Variants in CXCR5 observed in about 807,000 individuals in gnomAD.
CXCR5 encodes C-X-C chemokine receptor type 5.
Under a neutral mutation model 5.6 loss-of-function variants are expected in CXCR5, and 3 were observed. The observed-to-expected ratio is 0.54, with a 90% CI of 0.24 to 1.39. The LOEUF is 1.39. Ranked by LOEUF, CXCR5 falls within the 40% of genes most tolerant of loss-of-function variation. CXCR5 has a pLI of 0.16. For synonymous variants in CXCR5, 218 were observed against 219.9 expected, an observed-to-expected ratio of 0.99 and a Z score of 0.08; for missense variants, 333 against 494.6, an observed-to-expected ratio of 0.67 and a Z score of 3.10.
intron 1 of CXCR5, among the ~76,000 whole-genome samples, chr11:118,889,447 C>G (rs1230334149): frequency 2.0e-5 from 3 of 152,226 alleles, no homozygotes; most frequent in Non-Finnish European, 2.9e-5. Context: ...GCCCTGTGCT[C>G]CCTCTGGGCA....
At position 118,893,154 on chromosome 11, in the gene CXCR5, C is replaced by A. The variant is rs1011130374; in HGVS notation, c.52-442C>A. Reference sequence around the variant, plus strand: ...CCCACAGGCCAAGTCAGCACCCGCCCGCCCCTAGTCCCCAGCACAATGCTA... The same window carrying A: ...CCCACAGGCCAAGTCAGCACCCGCCAGCCCCTAGTCCCCAGCACAATGCTA... On this transcript the variant is annotated intron_variant, in intron 1 of 1. Coordinates refer to ENST00000292174, the MANE Select transcript of CXCR5 (RefSeq NM_001716.5). This position sits in a 1 kb window ranked among gnomAD's most constrained non-coding sequence, Gnocchi z 5.7. Among the ~76,000 whole-genome samples, 1 of 152,170 alleles carries A rather than the reference C, an allele frequency of 6.6e-6. No homozygotes were observed. Among genetic ancestry groups the A allele is most frequent in the Non-Finnish European group, 1.5e-5 (1 of 68,034 alleles).
At chr11:118,887,344 C>T (rs1414267638) in intron 1 of CXCR5, 6 of 985,300 alleles carry the variant, frequency 6.1e-6, no homozygotes, top group Middle Eastern at 5.2e-4. Flanking sequence ...GAGGCTGCCA[C>T]ACACACCTGG....
At position 118,894,129 on chromosome 11, in the gene CXCR5, C is replaced by G. The variant is rs747672304; in HGVS notation, c.585C>G (p.His195Gln). 6.2e-7 allele frequency: 1 copy of G among 1,614,124 alleles called. No homozygotes were observed. Among genetic ancestry groups the G allele is most frequent in the Non-Finnish European group, 8.5e-7 (1 of 1,180,040 alleles). The change falls in exon 2 of 2, where the codon CAC becomes CAG. Residue 195 changes from histidine (H) to glutamine (Q), a missense_variant. Coordinates refer to ENST00000292174, the MANE Select transcript of CXCR5 (RefSeq NM_001716.5). This position sits in a 1 kb window ranked among gnomAD's most constrained non-coding sequence, Gnocchi z 6.1. ...TCGCCAAAGTCAGCCAAGGCCATCA[C>G]AACAACTCCCTGCCACGTTGCACCT... ...ILFAKVSQGH[H>Q]NNSLPRCTFS...
intron 1 of CXCR5, among the ~76,000 whole-genome samples, chr11:118,887,997 TG>T (rs1045350411): frequency 6.6e-6 from 1 of 152,176 alleles, no homozygotes; most frequent in Non-Finnish European, 1.5e-5. Flanking sequence ...AAGGTCAGGC[TG>T]GGGCATTCAC....
chr11:118,889,250 C>T (rs1340371733), intron 1 of CXCR5, among the ~76,000 whole-genome samples: 1 of 152,236 alleles, frequency 6.6e-6, no homozygotes, highest in Non-Finnish European at 1.5e-5. Flanking sequence ...GGGCATGTGA[C>T]CCTGGCCCAT....
Position 118,893,697 on chromosome 11 carries a change from C to A in CXCR5, c.153C>A (p.Ala51=). 1 of 1,614,184 alleles carries A rather than the reference C, an allele frequency of 6.2e-7. No individual in the cohort carries two copies. The highest frequency in any genetic ancestry group is 1.3e-5 in the African/African-American group (1 of 75,048). ...GGCCCCTCATGGCCTCCTTCAAGGC[C>A]GTGTTCGTGCCCGTGGCCTACAGCC... The part of the protein sequence containing the change: ...TEGPLMASFK[A]VFVPVAYSLI... The change falls in exon 2 of 2, where the codon GCC becomes GCA. Residue 51 remains alanine, a synonymous_variant. Transcript: ENST00000292174. The surrounding 1 kb of genome is among the most constrained non-coding windows in gnomAD (Gnocchi z 5.7).
chr11:118,888,669 G>A (rs1939758815), intron 1 of CXCR5, among the ~76,000 whole-genome samples: 1 of 152,186 alleles, frequency 6.6e-6, no homozygotes, highest in Non-Finnish European at 1.5e-5. Flanking sequence ...TTGTTACCTG[G>A]TCCTCCCTAA....
chr11:118,889,444 G>A (rs1939775174), intron 1 of CXCR5, among the ~76,000 whole-genome samples: 1 of 152,222 alleles, frequency 6.6e-6, no homozygotes, highest in South Asian at 2.1e-4. Context: ...TCTGCCCTGT[G>A]CTCCCTCTGG....
intron 1 of CXCR5, chr11:118,887,221 C>T: frequency 1.0e-6 from 1 of 985,154 alleles, no homozygotes; most frequent in Non-Finnish European, 1.2e-6. Context: ...ACTCCTCTAG[C>T]AGAACGGCAG....
In CXCR5 at chr11:118,894,236, T is replaced by C. The variant is rs1565607134; in HGVS notation, c.692T>C (p.Met231Thr). 1.2e-6 allele frequency: 2 copies of C among 1,613,980 alleles called. No homozygotes were observed. The highest frequency in any genetic ancestry group is 2.2e-5 in the East Asian group (1 of 44,876). Residue 231 changes from methionine (M) to threonine (T), a missense_variant, in exon 2 of 2, where the codon ATG becomes ACG. Physicochemically the swap from Met to Thr is moderately conservative, Grantham distance 81 (BLOSUM62 -1). Coordinates refer to ENST00000292174, the MANE Select transcript of CXCR5 (RefSeq NM_001716.5). The surrounding 1 kb of genome is among the most constrained non-coding windows in gnomAD (Gnocchi z 6.1). ...CATGTGGCGGGATTCCTGCTGCCCA[T>C]GCTGGTGATGGGCTGGTGCTACGTG... ...LYHVAGFLLP[M>T]LVMGWCYVGV...
At position 118,893,407 on chromosome 11, in the gene CXCR5, C is replaced by T. The variant is rs958997580; in HGVS notation, c.52-189C>T. ...ATCAGCACCACCACTCTAAGGAATG[C>T]GGTCCCTTTGACAGGCGAAAAACTG... On this transcript the variant is annotated intron_variant, in intron 1 of 1. Coordinates refer to ENST00000292174, the MANE Select transcript of CXCR5 (RefSeq NM_001716.5). This position sits in a 1 kb window ranked among gnomAD's most constrained non-coding sequence, Gnocchi z 5.7. 1.4e-5 allele frequency: 14 copies of T among 985,298 alleles called. No individual in the cohort carries two copies. Among genetic ancestry groups the T allele is most frequent in the Admixed American group, 6.1e-5 (1 of 16,268 alleles). The allele number at this position is 985,298 out of a possible 1,614,324, so 61.0% of individuals were successfully genotyped here.
intron 1 of CXCR5, among the ~76,000 whole-genome samples, chr11:118,889,371 C>T (rs1289082617): frequency 6.6e-6 from 1 of 152,148 alleles, no homozygotes; most frequent in Non-Finnish European, 1.5e-5. Context: ...TGTGTGTGCA[C>T]GAGGGCCTCA....
At position 118,890,601 on chromosome 11, in the gene CXCR5, G is replaced by A. The variant is rs569896161; in HGVS notation, c.52-2995G>A. 2.0e-5 allele frequency among the ~76,000 whole-genome samples: 3 copies of A among 152,206 alleles called. No homozygotes were observed. In the South Asian group the frequency reaches 6.2e-4, roughly 32 times the overall value. On this transcript the variant is annotated intron_variant, in intron 1 of 1. Coordinates refer to ENST00000292174, the MANE Select transcript of CXCR5 (RefSeq NM_001716.5). ...GAATGTGTTGGGGTGTTGGGGAAAGGCCGGGGGGTGGTCTAGAGCAATAAT... is the reference window on the plus strand; with the variant it reads ...GAATGTGTTGGGGTGTTGGGGAAAGACCGGGGGGTGGTCTAGAGCAATAAT...
At chr11:118,891,664 T>A (rs1939812323) in intron 1 of CXCR5, among the ~76,000 whole-genome samples, 1 of 151,320 alleles carries the variant, frequency 6.6e-6, no homozygotes, top group African/African-American at 2.4e-5. Flanking sequence ...AGGTCAGGAG[T>A]TTGAGACCAG....
chr11:118,887,395 TC>T (rs1344133869), intron 1 of CXCR5: 1 of 985,336 alleles, frequency 1.0e-6, no homozygotes, highest in Admixed American at 6.1e-5. Flanking sequence ...TGACTCTGTA[TC>T]CAAAGGGCAA....
intron 1 of CXCR5, among the ~76,000 whole-genome samples, chr11:118,890,417 C>A (rs764553521): frequency 6.6e-6 from 1 of 151,916 alleles, no homozygotes; most frequent in Non-Finnish European, 1.5e-5. Context: ...TAAATGCACA[C>A]GCATCATAAG....
chr11:118,889,401 G>A (rs1939773193), intron 1 of CXCR5, among the ~76,000 whole-genome samples: 2 of 152,222 alleles, frequency 1.3e-5, no homozygotes, highest in South Asian at 2.1e-4. Flanking sequence ...AGCTTTTCAT[G>A]TCAAAGAATG....
chr11:118,886,329 G>T (rs1295342008), intron 1 of CXCR5: 2 of 436,046 alleles, frequency 4.6e-6, no homozygotes, highest in African/African-American at 2.2e-5. Flanking sequence ...GGGGCCTTTT[G>T]GTTACACAAA....
At chr11:118,890,449 G>A (rs1211927352) in intron 1 of CXCR5, among the ~76,000 whole-genome samples, 2 of 152,096 alleles carry the variant, frequency 1.3e-5, no homozygotes, top group Admixed American at 6.6e-5. Flanking sequence ...ATTCCAAGAG[G>A]GGAGCCGGGA....
Sources: gnomAD v4.1 joint callset for allele counts (sites outside exome capture counted in the v4.1 genomes callset) on GRCh38, gnomAD v4.1.1 for gene constraint, Gnocchi (gnomAD v3.1) non-coding constraint, MANE v1.5 for transcripts, NCBI Gene and HGNC (gene_info 2026-07-23, HGNC 2026-07-21) for gene names.